ZNF423: variants seen among roughly 807,000 people sequenced by gnomAD.
ZNF423 encodes the protein zinc finger protein 423.
Under a neutral mutation model 95.8 loss-of-function variants are expected in ZNF423, and 12 were observed. That is an observed-to-expected ratio of 0.13 (90% confidence interval 0.08 to 0.20). The LOEUF (loss-of-function observed/expected upper bound fraction) is 0.20, where lower values mean the gene tolerates loss of function less well. Among genes scored for constraint, ZNF423 ranks in the 10% least tolerant of loss-of-function variants. ZNF423 has a pLI of 1.00. For missense variants in ZNF423, 1,316 were observed against 1,737.1 expected, an observed-to-expected ratio of 0.76 and a Z score of 4.31; for synonymous variants, 749 against 711.9, an observed-to-expected ratio of 1.05 and a Z score of -0.83.
At chr16:49,538,131 C>T (rs1969118563) in intron 5 of ZNF423, among the ~76,000 whole-genome samples, 1 of 152,208 alleles carries the variant, frequency 6.6e-6, no homozygotes, top group Non-Finnish European at 1.5e-5. Context: ...CCAGGAGAGG[C>T]AGGGACAGGC....
intron 2 of ZNF423, among the ~76,000 whole-genome samples, chr16:49,769,317 T>C (rs914548974): frequency 1.3e-4 from 19 of 144,228 alleles, no homozygotes; most frequent in African/African-American, 5.0e-4. Context: ...ATCGCGCCAA[T>C]GCACTCCAGC....
At chr16:49,703,286 G>A (rs1204107946) in intron 3 of ZNF423, among the ~76,000 whole-genome samples, 2 of 152,140 alleles carry the variant, frequency 1.3e-5, no homozygotes, top group Non-Finnish European at 2.9e-5. Context: ...CGTCAGCTTG[G>A]GGTTTTCCTT....
At chr16:49,664,915 C>T (rs1426807015) in intron 3 of ZNF423, among the ~76,000 whole-genome samples, 1 of 152,272 alleles carries the variant, frequency 6.6e-6, no homozygotes, top group Non-Finnish European at 1.5e-5. Context: ...GCTCTGAACG[C>T]CCCTCATTGT....
At chr16:49,497,641 A>T (rs960245883) in intron 7 of ZNF423, among the ~76,000 whole-genome samples, 5 of 151,948 alleles carry the variant, frequency 3.3e-5, no homozygotes, top group Non-Finnish European at 1.5e-5. Flanking sequence ...CCTTCTCCCC[A>T]CTGCCCACCA....
At chr16:49,686,346 C>T (rs552358365) in intron 3 of ZNF423, among the ~76,000 whole-genome samples, 1 of 152,254 alleles carries the variant, frequency 6.6e-6, no homozygotes, top group Admixed American at 6.5e-5. Flanking sequence ...AAGTGCAAGG[C>T]GGGTCTCACA....
intron 2 of ZNF423, among the ~76,000 whole-genome samples, chr16:49,763,680 A>T (rs909626862): frequency 2.0e-5 from 3 of 151,982 alleles, no homozygotes; most frequent in African/African-American, 7.3e-5. Context: ...TTTGCTCAAC[A>T]TGATGTCTAC....
intron 3 of ZNF423, among the ~76,000 whole-genome samples, chr16:49,683,356 C>T (rs886648115): frequency 1.3e-5 from 2 of 152,198 alleles, no homozygotes; most frequent in African/African-American, 4.8e-5. Flanking sequence ...AATATATTCT[C>T]ATCTTAATAT....
At chr16:49,816,082 C>T (rs117012449) in intron 1 of ZNF423, among the ~76,000 whole-genome samples, 4,204 of 151,304 alleles carry the variant, frequency 0.028, 101 homozygotes, top group East Asian at 0.067. Context: ...CTACGCCGGG[C>T]TAATTTTTGT....
chr16:49,811,619 C>T (rs2034753773), intron 1 of ZNF423, among the ~76,000 whole-genome samples: 1 of 152,178 alleles, frequency 6.6e-6, no homozygotes, highest in Non-Finnish European at 1.5e-5. Context: ...AAGGAGCTCA[C>T]AGGGCAAACG....
chr16:49,746,887 A>G (rs2033536260), intron 2 of ZNF423, among the ~76,000 whole-genome samples: 1 of 152,222 alleles, frequency 6.6e-6, no homozygotes, highest in Non-Finnish European at 1.5e-5. Flanking sequence ...AGTGCTCAGC[A>G]GTTGTGGCAC....
intron 7 of ZNF423, among the ~76,000 whole-genome samples, chr16:49,500,035 C>T (rs149308400): frequency 2.8e-4 from 43 of 152,196 alleles, no homozygotes; most frequent in Non-Finnish European, 8.8e-5. Context: ...ATTGGGTGAG[C>T]GGTGAGACTT....
At chr16:49,516,254 G>T (rs1230829043) in intron 7 of ZNF423, among the ~76,000 whole-genome samples, 1 of 152,196 alleles carries the variant, frequency 6.6e-6, no homozygotes, top group Non-Finnish European at 1.5e-5. Flanking sequence ...CCTGAGGCTT[G>T]GTGGGATGCC....
intron 3 of ZNF423, among the ~76,000 whole-genome samples, chr16:49,693,859 C>A (rs2031877005): frequency 6.6e-6 from 1 of 152,200 alleles, no homozygotes; most frequent in African/African-American, 2.4e-5. Flanking sequence ...TCCGGCCAGG[C>A]CTGAAGGTTT....
chr16:49,507,097 C>A (rs1344138399), intron 7 of ZNF423, among the ~76,000 whole-genome samples: 1 of 152,180 alleles, frequency 6.6e-6, no homozygotes. Context: ...CCAAGTCACT[C>A]GCTTCTCTAA....
intron 1 of ZNF423, among the ~76,000 whole-genome samples, chr16:49,827,568 T>A (rs1434470011): frequency 1.3e-5 from 2 of 151,736 alleles, no homozygotes; most frequent in Admixed American, 6.6e-5. Flanking sequence ...CAGGCTGGAG[T>A]GTAGCGGCTC....
intron 3 of ZNF423, among the ~76,000 whole-genome samples, chr16:49,692,497 CA>C (rs145276205): frequency 0.018 from 2,739 of 152,312 alleles, 84 homozygotes; most frequent in African/African-American, 0.061. Flanking sequence ...GTGTTGGACC[CA>C]AGAACCAGCA....
At chr16:49,601,676 G>A (rs1180025281) in intron 5 of ZNF423, among the ~76,000 whole-genome samples, 2 of 152,198 alleles carry the variant, frequency 1.3e-5, no homozygotes. Context: ...ACAGGGGTCT[G>A]CGCTGCACAG....
intron 1 of ZNF423, among the ~76,000 whole-genome samples, chr16:49,806,715 T>C (rs919750098): frequency 6.6e-6 from 1 of 151,758 alleles, no homozygotes; most frequent in Non-Finnish European, 1.5e-5. Flanking sequence ...CCTCATACTT[T>C]TTTTGTGGTT....
chr16:49,742,623 G>C (rs1221076751), intron 2 of ZNF423, among the ~76,000 whole-genome samples: 8 of 152,106 alleles, frequency 5.3e-5, no homozygotes, highest in Non-Finnish European at 2.9e-5. Flanking sequence ...GGGGGAGATG[G>C]GGGAGCAGGG....
Sources: gnomAD v4.1 joint callset for allele counts (sites outside exome capture counted in the v4.1 genomes callset) on GRCh38, gnomAD v4.1.1 for gene constraint, MANE v1.5 for transcripts, NCBI Gene and HGNC (gene_info 2026-07-23, HGNC 2026-07-21) for gene names.